The following NXPH1 variants were observed in gnomAD, a reference collection of about 807,000 sequenced individuals.
NXPH1 encodes the protein neurexophilin 1, also known as neurexophilin-1.
Under a neutral mutation model 23.7 loss-of-function variants are expected in NXPH1, and 5 were observed. That is an observed-to-expected ratio of 0.21 (90% CI 0.11 to 0.44). The LOEUF is 0.44. Ranked by LOEUF, NXPH1 falls within the 20% of genes least tolerant of loss-of-function variation. NXPH1 has a pLI of 0.99. For synonymous variants in NXPH1, 144 were observed against 122.2 expected (o/e 1.18, Z -1.18); for missense variants, 324 against 321.6 (o/e 1.01, Z -0.06).
chr7:8,561,801 A>C (rs1818450246), intron 2 of NXPH1, among the ~76,000 whole-genome samples: 1 of 151,684 alleles, frequency 6.6e-6, no homozygotes, highest in African/African-American at 2.4e-5. Context: ...TTTACATAAA[A>C]AGAGAGTGGT....
At chr7:8,657,435 T>G (rs1458467719) in intron 2 of NXPH1, among the ~76,000 whole-genome samples, 1 of 152,204 alleles carries the variant, frequency 6.6e-6, no homozygotes, top group African/African-American at 2.4e-5. Context: ...GACATTTCCT[T>G]TCACAACAAG....
chr7:8,667,299 G>A (rs1213711233), intron 2 of NXPH1, among the ~76,000 whole-genome samples: 2 of 151,892 alleles, frequency 1.3e-5, no homozygotes, highest in Non-Finnish European at 2.9e-5. Context: ...TTATACATTA[G>A]TGTCCCATTT....
At chr7:8,571,673 C>G (rs1041951264) in intron 2 of NXPH1, among the ~76,000 whole-genome samples, 1 of 151,940 alleles carries the variant, frequency 6.6e-6, no homozygotes, top group South Asian at 2.1e-4. Context: ...TAAGCATTAA[C>G]TACTCTGAAA....
chr7:8,445,727 C>T (rs1816393515), intron 2 of NXPH1, among the ~76,000 whole-genome samples: 1 of 152,202 alleles, frequency 6.6e-6, no homozygotes, highest in Non-Finnish European at 1.5e-5. Flanking sequence ...GTATTCACCT[C>T]TTTAGAGGAT....
At chr7:8,672,162 T>A (rs1425596670) in intron 2 of NXPH1, among the ~76,000 whole-genome samples, 1 of 152,086 alleles carries the variant, frequency 6.6e-6, no homozygotes, top group African/African-American at 2.4e-5. Flanking sequence ...AAATGATGAG[T>A]TCATGTCCTT....
chr7:8,745,383 G>A (rs966444806), intron 2 of NXPH1, among the ~76,000 whole-genome samples: 1 of 144,006 alleles, frequency 6.9e-6, no homozygotes, highest in East Asian at 2.2e-4. Context: ...TCACTTAAAT[G>A]TGGAGTGTAA....
chr7:8,707,851 T>C (rs1232759643), intron 2 of NXPH1, among the ~76,000 whole-genome samples: 1 of 152,216 alleles, frequency 6.6e-6, no homozygotes, highest in African/African-American at 2.4e-5. Context: ...AGAAATAAAT[T>C]GTATTATTGG....
chr7:8,547,711 C>G (rs1017560658), intron 2 of NXPH1, among the ~76,000 whole-genome samples: 2 of 151,546 alleles, frequency 1.3e-5, no homozygotes, highest in Non-Finnish European at 3.0e-5. Context: ...TCCAAGTATA[C>G]TCATTGTTTA....
intron 2 of NXPH1, among the ~76,000 whole-genome samples, chr7:8,548,629 A>G (rs921573036): frequency 6.6e-6 from 1 of 151,474 alleles, no homozygotes; most frequent in Non-Finnish European, 1.5e-5. Flanking sequence ...CCAGTTTACT[A>G]AAGTTAGTAT....
chr7:8,691,314 A>C (rs935302152), intron 2 of NXPH1, among the ~76,000 whole-genome samples: 38 of 152,088 alleles, frequency 2.5e-4, no homozygotes, highest in Non-Finnish European at 4.6e-4. Flanking sequence ...ACGTCCAGCT[A>C]ATTTTTGTAT....
chr7:8,593,212 G>A (rs145543623), intron 2 of NXPH1, among the ~76,000 whole-genome samples: 198 of 151,026 alleles, frequency 1.3e-3, no homozygotes, highest in African/African-American at 4.5e-3. Flanking sequence ...CCCTCCACAG[G>A]AATGATGGAC....
At chr7:8,539,690 A>T (rs1022384662) in intron 2 of NXPH1, among the ~76,000 whole-genome samples, 1 of 151,850 alleles carries the variant, frequency 6.6e-6, no homozygotes, top group Non-Finnish European at 1.5e-5. Flanking sequence ...TATTGATTAA[A>T]TTATCAATGC....
intron 2 of NXPH1, among the ~76,000 whole-genome samples, chr7:8,513,396 G>A (rs973153839): frequency 3.3e-5 from 5 of 152,116 alleles, no homozygotes; most frequent in South Asian, 2.1e-4. Context: ...TTGACCTTAC[G>A]TGTTGTGAGG....
chr7:8,579,584 C>T (rs1203671190), intron 2 of NXPH1, among the ~76,000 whole-genome samples: 2 of 152,166 alleles, frequency 1.3e-5, no homozygotes, highest in Admixed American at 6.5e-5. Flanking sequence ...GTTGGTCAGA[C>T]TGGTCTCAAA....
intron 2 of NXPH1, among the ~76,000 whole-genome samples, chr7:8,604,203 T>C (rs963923678): frequency 3.9e-5 from 6 of 152,272 alleles, no homozygotes; most frequent in Admixed American, 6.5e-5. Context: ...AAGAAGTGAT[T>C]GGGATTAAGT....
rs540056222 is a variant in NXPH1, at chr7:8,678,928, A to ATTTTTTTTTTTTTTTTTTTTTTT, written c.55-72067_55-72045dup. 4.1e-3 allele frequency among the ~76,000 whole-genome samples: 279 copies of ATTTTTTTTTTTTTTTTTTTTTTT among 68,800 alleles called. 40 individuals carry two copies. Among genetic ancestry groups the ATTTTTTTTTTTTTTTTTTTTTTT allele is most frequent in the Non-Finnish European group, 4.3e-3 (172 of 40,006 alleles). The allele number at this position is 68,800 out of a possible 152,430, so 45.1% of individuals were successfully genotyped here. A position where few individuals can be genotyped will look rare whatever the true frequency, so the allele number is the denominator to read the frequency against. Reference sequence around the variant, plus strand: ...TCTAGATTTATCTTTGCTTTATCCAATTTTTTTTTTTTTTTTTTTTTTTTT... The same window carrying ATTTTTTTTTTTTTTTTTTTTTTT: ...TCTAGATTTATCTTTGCTTTATCCAATTTTTTTTTTTTTTTTTTTTTTTTTTTTTTTTTTTTTTTTTTTTTTTT... On this transcript the variant is annotated intron_variant, in intron 2 of 2. Transcript: ENST00000405863.
intron 2 of NXPH1, among the ~76,000 whole-genome samples, chr7:8,743,351 T>C (rs1780402302): frequency 6.8e-6 from 1 of 146,140 alleles, no homozygotes; most frequent in African/African-American, 2.5e-5. Flanking sequence ...AAAAGAGATA[T>C]ACAAATGTTT....
At chr7:8,573,477 G>T (rs1818690983) in intron 2 of NXPH1, among the ~76,000 whole-genome samples, 1 of 152,100 alleles carries the variant, frequency 6.6e-6, no homozygotes, top group South Asian at 2.1e-4. Flanking sequence ...GGAAACAAAA[G>T]AGCACTATAG....
intron 2 of NXPH1, among the ~76,000 whole-genome samples, chr7:8,659,823 T>C (rs1367464405): frequency 6.6e-6 from 1 of 152,198 alleles, no homozygotes; most frequent in Non-Finnish European, 1.5e-5. Flanking sequence ...ACTCAAATTA[T>C]TGTGTACTGT....
Sources: allele counts gnomAD v4.1 joint callset (sites outside exome capture counted in the v4.1 genomes callset), GRCh38; gene constraint gnomAD v4.1.1; transcripts MANE v1.5; gene names NCBI Gene and HGNC (gene_info 2026-07-23, HGNC 2026-07-21).